TRMT10A: variants seen among roughly 807,000 people sequenced by gnomAD.
The protein encoded by TRMT10A is tRNA methyltransferase 10 homolog A.
Under a neutral mutation model 40.4 loss-of-function variants are expected in TRMT10A, and 37 were observed. That is an observed-to-expected ratio of 0.92 (90% CI 0.71 to 1.21). The LOEUF is 1.21. Among genes scored for constraint, TRMT10A ranks in the 50% most tolerant of loss-of-function variants. The pLI, the probability that TRMT10A is intolerant of heterozygous loss-of-function variation, is 0.00. For synonymous variants in TRMT10A, 103 were observed against 134.1 expected, an observed-to-expected ratio of 0.77 and a Z score of 1.60; for missense variants, 388 against 404.3, an observed-to-expected ratio of 0.96 and a Z score of 0.35.
chr4:99,553,244 G>A (rs1379946859), intron 6 of TRMT10A, among the ~76,000 whole-genome samples: 3 of 152,188 alleles, frequency 2.0e-5, no homozygotes, highest in Non-Finnish European at 2.9e-5. Flanking sequence ...ATGCTGCAAT[G>A]TAGCTGGCGA....
Position 99,547,686 on chromosome 4 carries a change from T to C in TRMT10A, c.*1402A>G, listed in dbSNP as rs1426732984. The stretch of plus-strand genomic sequence containing the variant: ...GACCTTACCTTAAAATAGGTAACTA[T>C]AATAGATTACTAAGAACAAAGTAAC... On this transcript the variant is annotated 3_prime_UTR_variant, in exon 8 of 8. Transcript: ENST00000394876. 2 of 152,080 alleles carry C rather than the reference T, an allele frequency of 1.3e-5. No individual in the cohort carries two copies. The highest frequency in any genetic ancestry group is 2.4e-5 in the African/African-American group (1 of 41,450). 9.4% of individuals were successfully genotyped at this position (152,080 alleles called of 1,614,324 possible).
intron 6 of TRMT10A, among the ~76,000 whole-genome samples, chr4:99,552,889 G>T (rs549642363): frequency 1.6e-4 from 23 of 147,970 alleles, no homozygotes; most frequent in Admixed American, 5.4e-4. Flanking sequence ...CATACTTGGT[G>T]GGGGGGGGAG....
At chr4:99,557,560 T>G in intron 3 of TRMT10A, 144 bp from the exon 4 acceptor site, 1 of 634,786 alleles carries the variant, frequency 1.6e-6, no homozygotes, top group Non-Finnish European at 2.6e-6. Context: ...TGATAAATGT[T>G]ATTTGATTTC....
In TRMT10A at chr4:99,563,926, T is replaced by C. The variant is rs1001028127; in HGVS notation, c.-37A>G. On this transcript the variant is annotated 5_prime_UTR_variant, in exon 1 of 8. Transcript: ENST00000394876. ...CAGGACACTTACCGAGCTGAAGAGT[T>C]GACAGGGAAGTGAAATCTCAGAAAG... is the stretch of plus-strand genomic sequence containing the variant. 1.1e-5 allele frequency: 9 copies of C among 813,280 alleles called. No homozygotes were observed. The highest frequency in any genetic ancestry group is 1.8e-5 in the Non-Finnish European group (9 of 488,158). The allele number at this position is 813,280 out of a possible 1,614,324, so 50.4% of individuals were successfully genotyped here.
chr4:99,557,700 G>C (rs1724219234), intron 3 of TRMT10A: 3 of 397,440 alleles, frequency 7.5e-6, no homozygotes, highest in Admixed American at 8.4e-5. Flanking sequence ...AAGACTTTTA[G>C]AGCCATACTA....
Position 99,562,457 on chromosome 4 carries a change from G to A in TRMT10A, c.-24+1456C>T, listed in dbSNP as rs537429564. On this transcript the variant is annotated intron_variant, in intron 1 of 7. Transcript: ENST00000394876. ...GTCTCCTTTTCAGAAAAATCTCAAC[G>A]AATGTGGGAATAATGCAGATTGGAA... Among the ~76,000 whole-genome samples the A allele has an allele frequency of 2.3e-4, 34 of 147,816 alleles. 1 individual carries two copies. Among genetic ancestry groups the A allele is most frequent in the African/African-American group, 8.4e-4 (34 of 40,246 alleles).
chr4:99,550,888 G>GT lies in TRMT10A; in HGVS notation c.747_748insA (p.His250ThrfsTer4). On this transcript the variant is annotated frameshift_variant, in exon 7 of 8. Coordinates refer to ENST00000394876, the MANE Select transcript of TRMT10A (RefSeq NM_001134665.3). LOFTEE classifies it low-confidence loss of function (END_TRUNC). The stretch of plus-strand genomic sequence containing the variant: ...CAGTTTATCCCTTACAGCTTACCAT[G>GT]ATTAACTGCCAAAACTTTTCGACTA... 2 of 1,610,894 alleles carry GT rather than the reference G, an allele frequency of 1.2e-6. No homozygotes were observed. Among genetic ancestry groups the GT allele is most frequent in the Non-Finnish European group, 1.7e-6 (2 of 1,177,784 alleles).
At position 99,549,334 on chromosome 4, in the gene TRMT10A, G is replaced by A; in HGVS notation, c.774C>T (p.Tyr258=). The A allele has an allele frequency of 1.2e-6, 2 of 1,614,020 alleles. No homozygotes were observed. The highest frequency in any genetic ancestry group is 1.7e-6 in the Non-Finnish European group (2 of 1,179,962). The change falls in exon 8 of 8, where the codon TAC becomes TAT. Residue 258 remains tyrosine, a synonymous_variant. Transcript: ENST00000394876. ...VNHVFEIILE[Y]LETRDWQEAF... is the part of the protein sequence containing the mutation. ...CTTCTTGCCAGTCTCTTGTTTCCAG[G>A]TATTCCAGAATAATTTCAAACACTG...
chr4:99,549,162 G>C lies in TRMT10A; in HGVS notation c.946C>G (p.Leu316Val), dbSNP rs747312114. Residue 316 changes from leucine (L) to valine (V), a missense_variant, in exon 8 of 8, where the codon CTA (leucine) becomes GTA (valine). Transcript: ENST00000394876. ...TGCTTTTCTTCATGTGGTGAATCTA[G>C]TTCATTTCTGCTATATTCCTCCTCA... ...SSEEEYSRNE[L>V]DSPHEEKQDK... is the part of the protein sequence containing the mutation. 3 of 1,614,022 alleles carry C rather than the reference G, an allele frequency of 1.9e-6. No homozygotes were observed. The South Asian group carries it at 3.3e-5, about 18-fold the overall frequency.
At position 99,558,298 on chromosome 4, in the gene TRMT10A, T is replaced by C. The variant is rs1724250905; in HGVS notation, c.186-87A>G. 8.4e-6 allele frequency: 10 copies of C among 1,186,602 alleles called. No homozygotes were observed. In the South Asian group the frequency reaches 1.6e-4, roughly 19 times the overall value. The allele number at this position is 1,186,602 out of a possible 1,614,324, so 73.5% of individuals were successfully genotyped here. A position where few individuals can be genotyped will look rare whatever the true frequency, so the allele number is the denominator to read the frequency against. Reference sequence around the variant, plus strand: ...CTAAATAAACAATTCCTTTTAAAAATCATCAGGTTAAATCATATGAAATTG... The same window carrying C: ...CTAAATAAACAATTCCTTTTAAAAACCATCAGGTTAAATCATATGAAATTG... On this transcript the variant is annotated intron_variant, in intron 2 of 7. Coordinates refer to ENST00000394876, the MANE Select transcript of TRMT10A (RefSeq NM_001134665.3).
chr4:99,550,364 AT>A (rs1207397433), intron 7 of TRMT10A, among the ~76,000 whole-genome samples: 1 of 152,028 alleles, frequency 6.6e-6, no homozygotes, highest in Non-Finnish European at 1.5e-5. Context: ...TAATTTTTGT[AT>A]TTTTTGTAGA....
At chr4:99,556,546 T>A (rs1724167650) in intron 4 of TRMT10A, among the ~76,000 whole-genome samples, 1 of 152,020 alleles carries the variant, frequency 6.6e-6, no homozygotes, top group African/African-American at 2.4e-5. Context: ...CTCTTTTTTT[T>A]AAAACAATAC....
intron 5 of TRMT10A, among the ~76,000 whole-genome samples, chr4:99,554,722 C>CAAAAAAAAAAAAAAAAAAAAAAAA (rs532448105): frequency 1.1e-5 from 1 of 90,884 alleles, no homozygotes; most frequent in African/African-American, 4.2e-5. Flanking sequence ...GACTACGTTT[C>CAAAAAAAAAAAAAAAAAAAAAAAA]AAAAAAAAAA....
intron 3 of TRMT10A, chr4:99,557,750 C>A: frequency 2.5e-6 from 1 of 405,238 alleles, no homozygotes; most frequent in African/African-American, 2.1e-5. Context: ...TGGTAAAACC[C>A]CACAGATCTT....
chr4:99,549,215 T>A lies in TRMT10A; in HGVS notation c.893A>T (p.Glu298Val). 6.2e-7 allele frequency: 1 copy of A among 1,614,140 alleles called. No individual in the cohort carries two copies. The highest frequency in any genetic ancestry group is 8.5e-7 in the Non-Finnish European group (1 of 1,180,010). ...GGAATCACTGTCCGATCCACCTTCC[T>A]CCATCCTGACAGACTGATTGTCATG... ...ASHDNQSVRMEEGGSDSDSSE... is the reference protein window; with the variant it reads ...ASHDNQSVRMVEGGSDSDSSE... Residue 298 changes from glutamate to valine, a missense_variant, in exon 8 of 8, where the codon GAG (glutamate) becomes GTG (valine). Physicochemically the swap from Glu to Val is moderately radical, Grantham distance 121. Transcript: ENST00000394876.
At position 99,548,775 on chromosome 4, in the gene TRMT10A, A is replaced by T. The variant is rs1213692282; in HGVS notation, c.*313T>A. 5.0e-6 allele frequency: 1 copy of T among 201,454 alleles called. No homozygotes were observed. The highest frequency in any genetic ancestry group is 9.9e-6 in the Non-Finnish European group (1 of 100,874). 12.5% of individuals were successfully genotyped at this position (201,454 alleles called of 1,614,324 possible). On this transcript the variant is annotated 3_prime_UTR_variant, in exon 8 of 8. Coordinates refer to ENST00000394876, the MANE Select transcript of TRMT10A (RefSeq NM_001134665.3). ...AAAAAACTGAAAGGTCAGAAGGCAC[A>T]TTCTAAAGAATATAAAATGAAAGAA...
intron 1 of TRMT10A, among the ~76,000 whole-genome samples, chr4:99,561,304 G>C (rs1021799825): frequency 5.3e-5 from 8 of 152,020 alleles, no homozygotes; most frequent in Non-Finnish European, 1.2e-4. Context: ...ATGTTTTACA[G>C]GTCATGTACA....
At chr4:99,557,993 A>G (rs1724232257) in intron 3 of TRMT10A, 56 bp downstream of exon 3, 3 of 1,463,650 alleles carry the variant, frequency 2.0e-6, no homozygotes, top group Non-Finnish European at 2.7e-6. Flanking sequence ...ATATTAAAAC[A>G]AAAATGATTC....
chr4:99,563,611 G>A, intron 1 of TRMT10A: 1 of 262,914 alleles, frequency 3.8e-6, no homozygotes, highest in East Asian at 1.1e-4. Flanking sequence ...GACGGAAAGC[G>A]CCCCACCACG....
Sources: gnomAD v4.1 joint callset for allele counts (sites outside exome capture counted in the v4.1 genomes callset) on GRCh38, gnomAD v4.1.1 for gene constraint, MANE v1.5 for transcripts, NCBI Gene and HGNC (gene_info 2026-07-23, HGNC 2026-07-21) for gene names.